RIN3: variants seen among roughly 807,000 people sequenced by gnomAD.
RIN3 encodes the protein RAB5 interacting protein 3.
A neutral mutation model predicts 76.3 loss-of-function variants in RIN3; 54 were observed. The observed-to-expected ratio is 0.71, with a 90% CI of 0.57 to 0.89. RIN3 has a LOEUF of 0.89. RIN3 is among the 40% of genes least tolerant of loss of function. The probability of loss-of-function intolerance (pLI) is 0.00; values close to 1 mark genes in which losing one functional copy is unlikely to be tolerated. For synonymous variants in RIN3, 576 were observed against 564.0 expected, an observed-to-expected ratio of 1.02 and a Z score of -0.30; for missense variants, 1,256 against 1,322.1, an observed-to-expected ratio of 0.95 and a Z score of 0.78.
intron 3 of RIN3, among the ~76,000 whole-genome samples, chr14:92,599,582 T>C (rs552879241): frequency 6.6e-6 from 1 of 152,202 alleles, no homozygotes; most frequent in East Asian, 1.9e-4. Flanking sequence ...AGCAACCCCC[T>C]GGTGCCTGTG....
At chr14:92,630,432 C>T (rs1003897588) in intron 4 of RIN3, among the ~76,000 whole-genome samples, 6 of 152,176 alleles carry the variant, frequency 3.9e-5, no homozygotes. Flanking sequence ...GCAGAGGTTG[C>T]AGTGAATTGA....
chr14:92,515,520 T>C (rs1403432425), intron 1 of RIN3: 1 of 467,720 alleles, frequency 2.1e-6, no homozygotes, highest in Non-Finnish European at 3.8e-6. Flanking sequence ...AACTACCCCT[T>C]AGAGTTGTTT....
At chr14:92,523,393 T>C (rs1896648259) in intron 1 of RIN3, among the ~76,000 whole-genome samples, 1 of 152,268 alleles carries the variant, frequency 6.6e-6, no homozygotes, top group Admixed American at 6.5e-5. Flanking sequence ...ATTACAGGCG[T>C]GAGCCACCGT....
intron 2 of RIN3, among the ~76,000 whole-genome samples, chr14:92,562,186 G>T (rs61975769): frequency 6.6e-6 from 1 of 152,136 alleles, no homozygotes; most frequent in Non-Finnish European, 1.5e-5. Flanking sequence ...GTTAGACTGG[G>T]GTTAGGGGTT....
At chr14:92,609,843 CTGTGTGTGTGTGTGTGTGTGTGTG>C (rs34350495) in intron 3 of RIN3, among the ~76,000 whole-genome samples, 1 of 138,414 alleles carries the variant, frequency 7.2e-6, no homozygotes, top group East Asian at 2.1e-4. Flanking sequence ...GAAATTCAGT[CTGTGTGTGTGTGTGTGTGTGTGTG>C]TGTGTGTGTG....
chr14:92,578,151 G>C (rs1898312534), intron 3 of RIN3, among the ~76,000 whole-genome samples: 1 of 151,878 alleles, frequency 6.6e-6, no homozygotes, highest in African/African-American at 2.4e-5. Flanking sequence ...TGGAAGATTG[G>C]CTTGAGCCAG....
rs553216496 is a variant in RIN3 at position 92,636,435 on chromosome 14, T to C, written c.441-4803T>C. Among the ~76,000 whole-genome samples, 5 of 152,088 alleles carry C rather than the reference T, an allele frequency of 3.3e-5. No individual in the cohort carries two copies. The East Asian group carries it at 9.7e-4, about 30-fold the overall frequency. The stretch of plus-strand genomic sequence containing the variant: ...CCCATCTCTACTAAAAATACAAAAA[T>C]TAGCCAGGCGTGGTGGCACACGCCT... On this transcript the variant is annotated intron_variant, in intron 4 of 9. Transcript: ENST00000216487.
intron 5 of RIN3, among the ~76,000 whole-genome samples, chr14:92,645,996 C>A (rs553847067): frequency 6.6e-6 from 1 of 151,000 alleles, no homozygotes; most frequent in South Asian, 2.1e-4. Flanking sequence ...GAGAGTTGCA[C>A]AACTCAGTGA....
chr14:92,549,225 G>A (rs1022934748), intron 1 of RIN3, among the ~76,000 whole-genome samples: 1 of 152,134 alleles, frequency 6.6e-6, no homozygotes, highest in East Asian at 1.9e-4. Flanking sequence ...GTTGGTAGGT[G>A]GGGTAGTGAC....
chr14:92,534,081 A>ATATATATTTAT (rs1258536667), intron 1 of RIN3, among the ~76,000 whole-genome samples: 1 of 152,060 alleles, frequency 6.6e-6, no homozygotes, highest in East Asian at 1.9e-4. Context: ...GACTTCTTTT[A>ATATATATTTAT]TATATATTTA....
At chr14:92,659,047 G>A in intron 6 of RIN3, 114 bp from the exon 7 acceptor site, 1 of 944,088 alleles carries the variant, frequency 1.1e-6, no homozygotes. Flanking sequence ...CTGGGGCTGT[G>A]AGTGTCCTTC....
intron 1 of RIN3, among the ~76,000 whole-genome samples, chr14:92,526,643 C>G (rs1051385470): frequency 6.6e-6 from 1 of 152,144 alleles, no homozygotes; most frequent in Non-Finnish European, 1.5e-5. Flanking sequence ...GTTCCAGCTA[C>G]TCAGGAGGCT....
intron 4 of RIN3, among the ~76,000 whole-genome samples, chr14:92,618,097 GT>G (rs368655230): frequency 2.0e-5 from 3 of 152,192 alleles, no homozygotes; most frequent in African/African-American, 7.2e-5. Flanking sequence ...TACCATTAAA[GT>G]TTTTTTTAAC....
chr14:92,614,129 C>A (rs1566868553), intron 3 of RIN3, among the ~76,000 whole-genome samples: 1 of 152,232 alleles, frequency 6.6e-6, no homozygotes, highest in Non-Finnish European at 1.5e-5. Flanking sequence ...TCCGAGGAGC[C>A]CCATCCACCT....
At chr14:92,516,176 C>T (rs1241168581) in intron 1 of RIN3, among the ~76,000 whole-genome samples, 1 of 152,156 alleles carries the variant, frequency 6.6e-6, no homozygotes, top group Non-Finnish European at 1.5e-5. Flanking sequence ...GAAAAGGATT[C>T]CACTGCTGGA....
intron 5 of RIN3, 98 bp from the exon 6 acceptor site, chr14:92,651,484 C>T: frequency 1.9e-6 from 1 of 533,482 alleles, no homozygotes; most frequent in Non-Finnish European, 3.3e-6. Flanking sequence ...CCTTGAACAG[C>T]CCTCCCACCC....
chr14:92,683,416 T>G (rs1160615289), intron 8 of RIN3, among the ~76,000 whole-genome samples: 1 of 152,196 alleles, frequency 6.6e-6, no homozygotes, highest in Non-Finnish European at 1.5e-5. Context: ...CCAAAGTTAG[T>G]ATTTCTCAAA....
intron 3 of RIN3, among the ~76,000 whole-genome samples, chr14:92,591,050 A>G (rs1884960862): frequency 6.6e-6 from 1 of 152,216 alleles, no homozygotes; most frequent in South Asian, 2.1e-4. Flanking sequence ...ATTTAAAGCA[A>G]CTATGATTAA....
intron 1 of RIN3, among the ~76,000 whole-genome samples, chr14:92,549,284 C>T (rs1897360048): frequency 6.6e-6 from 1 of 152,192 alleles, no homozygotes; most frequent in African/African-American, 2.4e-5. Context: ...CCTCCCGCCC[C>T]CTGGCGTGTT....
Sources: gnomAD v4.1 joint callset for allele counts (sites outside exome capture counted in the v4.1 genomes callset) on GRCh38, gnomAD v4.1.1 for gene constraint, MANE v1.5 for transcripts, NCBI Gene and HGNC (gene_info 2026-07-23, HGNC 2026-07-21) for gene names.